Variants in LPIN1 observed in about 807,000 individuals in gnomAD.
The protein encoded by LPIN1 is lipin 1, also known as phosphatidate phosphatase LPIN1.
Under a neutral mutation model 107.5 loss-of-function variants are expected in LPIN1, and 71 were observed. The ratio of observed to expected loss-of-function variants is 0.66; its 90% CI spans 0.55 to 0.80. The LOEUF (loss-of-function observed/expected upper bound fraction) is 0.80, where lower values mean the gene tolerates loss of function less well. Ranked by LOEUF, LPIN1 falls within the 30% of genes least tolerant of loss-of-function variation. The pLI is 0.00. For missense variants in LPIN1, 1,043 were observed against 1,160.6 expected (o/e 0.90, Z 1.47); for synonymous variants, 445 against 452.6 (o/e 0.98, Z 0.21).
intron 1 of LPIN1, among the ~76,000 whole-genome samples, chr2:11,704,676 A>T (rs188683723): frequency 2.8e-4 from 42 of 152,304 alleles, no homozygotes; most frequent in African/African-American, 9.9e-4. Context: ...CCCTCATTGT[A>T]CACTCAGGGA....
chr2:11,713,587 A>C (rs1439374129), intron 1 of LPIN1, among the ~76,000 whole-genome samples: 1 of 151,956 alleles, frequency 6.6e-6, no homozygotes, highest in Non-Finnish European at 1.5e-5. Context: ...TCTTCTTCTT[A>C]ATTTAGTTTT....
chr2:11,677,785 T>A, intron 1 of LPIN1: 1 of 1,417,880 alleles, frequency 7.1e-7, no homozygotes. Flanking sequence ...CCTCCTTCCA[T>A]CCCCAGGTGC....
At chr2:11,812,559 C>G (rs1366651318) in intron 17 of LPIN1, among the ~76,000 whole-genome samples, 1 of 152,102 alleles carries the variant, frequency 6.6e-6, no homozygotes, top group East Asian at 1.9e-4. Context: ...GCAGGAGGAA[C>G]GGCATGGGCA....
At chr2:11,732,893 T>TTCTCTC (rs541063769) in intron 1 of LPIN1, among the ~76,000 whole-genome samples, 135 of 149,336 alleles carry the variant, frequency 9.0e-4, no homozygotes, top group African/African-American at 3.2e-3. Context: ...CTCTCTCTCT[T>TTCTCTC]TCTCTCTCTC....
At chr2:11,804,093 C>A (rs146712242) in intron 15 of LPIN1, among the ~76,000 whole-genome samples, 2 of 152,056 alleles carry the variant, frequency 1.3e-5, no homozygotes, top group South Asian at 2.1e-4. Flanking sequence ...TTTATTACGC[C>A]GTGTAGCCCC....
intron 1 of LPIN1, among the ~76,000 whole-genome samples, chr2:11,687,334 A>G (rs1276203765): frequency 6.6e-6 from 1 of 152,108 alleles, no homozygotes. Context: ...ATGCTTCTTG[A>G]GATCCTTCTA....
intron 2 of LPIN1, chr2:11,741,459 T>C: frequency 1.4e-6 from 2 of 1,433,708 alleles, no homozygotes; most frequent in Non-Finnish European, 1.9e-6. Flanking sequence ...GTTCTATTAC[T>C]GTTAAGGTGT....
intron 12 of LPIN1, among the ~76,000 whole-genome samples, chr2:11,789,564 G>A (rs542985049): frequency 7.9e-5 from 12 of 151,632 alleles, no homozygotes; most frequent in African/African-American, 2.9e-4. Context: ...GGATGTGCAC[G>A]TGTGTGTGTG....
rs747219811 is a variant in LPIN1 at position 11,796,977 on chromosome 2, G to A, written c.1886+1490G>A. ...TCTGAGCAAAGGTGCCAGTGCCACC[G>A]TCAGTGCCCAGACAGGCTGGGATGG... On this transcript the variant is annotated intron_variant, in intron 14 of 20. Transcript: ENST00000674199. 1.2e-4 allele frequency among the ~76,000 whole-genome samples: 18 copies of A among 152,326 alleles called. 1 individual carries two copies. Among genetic ancestry groups the A allele is most frequent in the Non-Finnish European group, 2.2e-4 (15 of 68,036 alleles).
At chr2:11,739,962 T>C (rs1666172617) in intron 1 of LPIN1, among the ~76,000 whole-genome samples, 1 of 152,164 alleles carries the variant, frequency 6.6e-6, no homozygotes, top group Admixed American at 6.5e-5. Context: ...GGGATTTAAT[T>C]TGGAAATTGG....
intron 1 of LPIN1, among the ~76,000 whole-genome samples, chr2:11,702,535 G>T (rs1247256508): frequency 6.6e-6 from 1 of 152,180 alleles, no homozygotes; most frequent in Non-Finnish European, 1.5e-5. Flanking sequence ...AAAAGACACA[G>T]GTAATATGTG....
At chr2:11,689,442 C>G (rs1453076030) in intron 1 of LPIN1, among the ~76,000 whole-genome samples, 1 of 152,362 alleles carries the variant, frequency 6.6e-6, no homozygotes, top group South Asian at 2.1e-4. Flanking sequence ...ATCCAACATA[C>G]TGATTTTGTG....
At chr2:11,799,289 T>C (rs1677263964) in intron 14 of LPIN1, among the ~76,000 whole-genome samples, 1 of 152,176 alleles carries the variant, frequency 6.6e-6, no homozygotes, top group Non-Finnish European at 1.5e-5. Flanking sequence ...TCACAGCTAT[T>C]CCGCCTTGCC....
rs1447787468 is a variant in LPIN1, at chr2:11,767,857, A to C, written c.287A>C (p.Gln96Pro). ...TTTGTTCAAGAAACAGATAATGATC[A>C]GGTAAGGAAGCCTGGGTGGTCAGGG... ...AFFVQETDND[Q>P]EVIPMHLATS... Residue 96 changes from glutamine (Q) to proline (P), a missense_variant and splice_region_variant, in exon 3 of 21, where the codon CAG becomes CCG. Gln to Pro is a moderately conservative substitution (Grantham distance 76). Transcript: ENST00000674199. 6.3e-7 allele frequency: 1 copy of C among 1,594,528 alleles called. No individual in the cohort carries two copies. Among genetic ancestry groups the C allele is most frequent in the Non-Finnish European group, 8.6e-7 (1 of 1,162,306 alleles).
In LPIN1 at chr2:11,815,155, C is replaced by T. The variant is rs766979418; in HGVS notation, c.2317C>T (p.Leu773=). ...GATGGCGGACATGACGCGGGGCTAC[C>T]TGCACTGGGTCAACGAGAGGGGCAC... ...IGMADMTRGY[L]HWVNERGTVL... is the part of the protein sequence containing the mutation. Residue 773 remains leucine, a synonymous_variant, in exon 18 of 21, where the codon CTG becomes TTG. Coordinates refer to ENST00000674199, the MANE Select transcript of LPIN1 (RefSeq NM_001349206.2). 1.9e-6 allele frequency: 3 copies of T among 1,614,206 alleles called. No homozygotes were observed. Among genetic ancestry groups the T allele is most frequent in the Non-Finnish European group, 8.5e-7 (1 of 1,180,026 alleles).
intron 2 of LPIN1, chr2:11,767,483 A>G (rs1256282806): frequency 9.8e-6 from 4 of 407,676 alleles, no homozygotes; most frequent in Admixed American, 3.8e-5. Flanking sequence ...ATTATTTTTA[A>G]TAATTATAAT....
At chr2:11,753,542 G>T (rs1050443908) in intron 1 of LPIN1, among the ~76,000 whole-genome samples, 1 of 152,240 alleles carries the variant, frequency 6.6e-6, no homozygotes, top group Non-Finnish European at 1.5e-5. Flanking sequence ...GCAGAGGGCA[G>T]CAGCTGCCTA....
At chr2:11,743,677 A>G (rs1165029421), upstream of LPIN1, among the ~76,000 whole-genome samples, 1 of 148,526 alleles carries the variant, frequency 6.7e-6, no homozygotes, top group East Asian at 2.1e-4. This position sits in a 1 kb window ranked among gnomAD's most constrained non-coding sequence, Gnocchi z 4.7. Flanking sequence ...CTCTAGGGGA[A>G]GAATTCATTG....
At chr2:11,759,786 CGG>C (rs1669372264) in intron 1 of LPIN1, among the ~76,000 whole-genome samples, 1 of 148,372 alleles carries the variant, frequency 6.7e-6, no homozygotes, top group Non-Finnish European at 1.5e-5. Flanking sequence ...ACCTCCCTCC[CGG>C]ACGGGGCGGC....
Sources: allele counts gnomAD v4.1 joint callset (sites outside exome capture counted in the v4.1 genomes callset), GRCh38; gene constraint gnomAD v4.1.1; non-coding constraint Gnocchi (gnomAD v3.1); transcripts MANE v1.5; gene names NCBI Gene and HGNC (gene_info 2026-07-23, HGNC 2026-07-21).